The following P4HA2 variants were observed in gnomAD, a reference collection of about 807,000 sequenced individuals.
P4HA2 encodes the protein prolyl 4-hydroxylase subunit alpha-2.
A neutral mutation model predicts 76.9 loss-of-function variants in P4HA2; 46 were observed. The observed-to-expected ratio is 0.60, with a 90% CI of 0.47 to 0.76. P4HA2 has a LOEUF of 0.76. Among genes scored for constraint, P4HA2 ranks in the 30% least tolerant of loss-of-function variants. The pLI is 0.00. For synonymous variants in P4HA2, 243 were observed against 254.0 expected (o/e 0.96, Z 0.41); for missense variants, 583 against 669.4 (o/e 0.87, Z 1.42).
intron 13 of P4HA2, 55 bp downstream of exon 13, chr5:132,195,357 C>G (rs1750479216): frequency 7.6e-7 from 1 of 1,318,174 alleles, no homozygotes; most frequent in East Asian, 2.3e-5. Context: ...GGGACATGGA[C>G]AAAGTAAAGT....
chr5:132,216,450 C>T (rs1753911026), intron 4 of P4HA2, among the ~76,000 whole-genome samples: 1 of 152,002 alleles, frequency 6.6e-6, no homozygotes, highest in Admixed American at 6.6e-5. Flanking sequence ...CAGAAAAAAT[C>T]CCATATCCAA....
intron 14 of P4HA2, among the ~76,000 whole-genome samples, chr5:132,194,592 GAC>G (rs910515858): frequency 1.3e-5 from 2 of 151,374 alleles, no homozygotes; most frequent in African/African-American, 2.4e-5. Context: ...GTTTGCCTGA[GAC>G]ACTCTTTCCC....
intron 13 of P4HA2, 29 bp downstream of exon 13, chr5:132,195,383 A>T: frequency 6.5e-7 from 1 of 1,535,908 alleles, no homozygotes; most frequent in Non-Finnish European, 9.0e-7. Flanking sequence ...CCTTGCTTCA[A>T]CCTCTGACCC....
At chr5:132,220,414 C>G (rs544637216) in intron 1 of P4HA2, among the ~76,000 whole-genome samples, 1 of 152,334 alleles carries the variant, frequency 6.6e-6, no homozygotes, top group East Asian at 1.9e-4. Context: ...CAGAAAGGGA[C>G]CAGCTGACTG....
chr5:132,214,091 T>C (rs761989506), intron 4 of P4HA2, 38 bp from the exon 5 acceptor site: 11 of 1,605,216 alleles, frequency 6.9e-6, no homozygotes, highest in East Asian at 2.2e-5. Context: ...TTACCCTTGA[T>C]CCAGGGGCAG....
At chr5:132,217,165 G>A (rs757802027) in intron 4 of P4HA2, 32 bp downstream of exon 4, 4 of 1,604,488 alleles carry the variant, frequency 2.5e-6, no homozygotes, top group Admixed American at 3.4e-5. Context: ...AAACATATGG[G>A]CTCACTCAAG....
intron 1 of P4HA2, among the ~76,000 whole-genome samples, chr5:132,218,966 C>T (rs1052347335): frequency 7.2e-5 from 11 of 152,176 alleles, no homozygotes; most frequent in Non-Finnish European, 7.3e-5. Flanking sequence ...AATGGTCTGT[C>T]AGTCCAAGAT....
chr5:132,210,154 G>T, intron 6 of P4HA2, 130 bp downstream of exon 6: 1 of 1,003,420 alleles, frequency 1.0e-6, no homozygotes. Flanking sequence ...AGTCAGTAAG[G>T]CATTAGTCAC....
intron 2 of P4HA2, among the ~76,000 whole-genome samples, 161 bp downstream of exon 2, chr5:132,218,384 T>TC (rs1242401832): frequency 6.6e-6 from 1 of 152,136 alleles, no homozygotes; most frequent in East Asian, 1.9e-4. Flanking sequence ...ATTGGGATCT[T>TC]ATAGGGGAAA....
chr5:132,209,370 A>C, intron 6 of P4HA2, 39 bp from the exon 7 acceptor site: 1 of 1,509,118 alleles, frequency 6.6e-7, no homozygotes, highest in African/African-American at 1.4e-5. Flanking sequence ...AGGAAACCAC[A>C]AACATCTGTT....
Position 132,217,828 on chromosome 5 carries a change from A to G in P4HA2, c.103T>C (p.Tyr35His). Residue 35 changes from tyrosine (Y) to histidine (H), a missense_variant, in exon 3 of 15, where the codon TAT (tyrosine) becomes CAT (histidine). Transcript: ENST00000360568. Reference sequence around the variant, plus strand: ...GACTGCACCAGCTCTTTCTCTGCATAAATCAGGTCAGTCATGTGCCCTGCA... The same window carrying G: ...GACTGCACCAGCTCTTTCTCTGCATGAATCAGGTCAGTCATGTGCCCTGCA... The part of the protein sequence containing the change: ...TSIGHMTDLI[Y>H]AEKELVQSLK... 2 of 1,611,504 alleles carry G rather than the reference A, an allele frequency of 1.2e-6. No homozygotes were observed.
At chr5:132,223,506 T>C (rs4705849) in intron 1 of P4HA2, among the ~76,000 whole-genome samples, 1 of 152,040 alleles carries the variant, frequency 6.6e-6, no homozygotes. Flanking sequence ...AGGCAATCCA[T>C]CCATCTCGAC....
chr5:132,209,259 G>T lies in P4HA2; in HGVS notation c.782C>A (p.Thr261Lys), dbSNP rs146303839. Reference protein sequence around the residue: ...EQLLEEEREKTLTNQTEAELA... With the variant: ...EQLLEEEREKKLTNQTEAELA... ...CTCAGCTTCTGTCTGATTTGTTAAC[G>T]TTTTTTCTCTCTCTTCCTCCAATAA... Residue 261 changes from threonine (T) to lysine (K), a missense_variant, in exon 7 of 15, where the codon ACG (threonine) becomes AAG (lysine). Coordinates refer to ENST00000360568, the MANE Select transcript of P4HA2 (RefSeq NM_001017974.2). The T allele has an allele frequency of 4.3e-5, 70 of 1,613,872 alleles. No homozygotes were observed. The highest frequency in any genetic ancestry group is 5.8e-5 in the Non-Finnish European group (68 of 1,179,922).
chr5:132,213,893 C>G (rs1753470383), intron 5 of P4HA2, 23 bp downstream of exon 5: 1 of 1,612,170 alleles, frequency 6.2e-7, no homozygotes, highest in Non-Finnish European at 8.5e-7. Context: ...GCGGGACAGG[C>G]AACGCCTGGA....
intron 8 of P4HA2, among the ~76,000 whole-genome samples, chr5:132,205,158 C>T (rs1403103295): frequency 6.6e-6 from 1 of 152,246 alleles, no homozygotes; most frequent in African/African-American, 2.4e-5. Flanking sequence ...AACTGCAGCA[C>T]AGCATGGGTG....
At position 132,215,986 on chromosome 5, in the gene P4HA2, C is replaced by G. The variant is rs374690671; in HGVS notation, c.331+1211G>C. Reference sequence around the variant, plus strand: ...AACATCCTAGCCAACATGGTGAAACCCTGTCTCTACTAAAAATACCAAAAA... The same window carrying G: ...AACATCCTAGCCAACATGGTGAAACGCTGTCTCTACTAAAAATACCAAAAA... On this transcript the variant is annotated intron_variant, in intron 4 of 14. Coordinates refer to ENST00000360568, the MANE Select transcript of P4HA2 (RefSeq NM_001017974.2). Among the ~76,000 whole-genome samples the G allele has an allele frequency of 1.3e-4, 20 of 150,144 alleles. No individual in the cohort carries two copies. In the East Asian group the frequency reaches 1.6e-3, roughly 12 times the overall value.
chr5:132,210,472 C>T lies in P4HA2; in HGVS notation c.521G>A (p.Arg174His), dbSNP rs761219895. Residue 174 changes from arginine (R) to histidine (H), a missense_variant, in exon 6 of 15, where the codon CGC becomes CAC. Transcript: ENST00000360568. ...LSVDDCFGMG[R>H]SAYNEGDYYH... Reference sequence around the variant, plus strand: ...ATAGTCCCCTTCATTGTAGGCCGAGCGGCCCATCCCAAAGCAGTCATCCAC... The same window carrying T: ...ATAGTCCCCTTCATTGTAGGCCGAGTGGCCCATCCCAAAGCAGTCATCCAC... The T allele has an allele frequency of 8.7e-6, 14 of 1,613,692 alleles. No individual in the cohort carries two copies. Among genetic ancestry groups the T allele is most frequent in the East Asian group, 6.7e-5 (3 of 44,888 alleles).
chr5:132,201,594 T>C (rs1336095448), intron 10 of P4HA2: 1 of 152,196 alleles, frequency 6.6e-6, no homozygotes, highest in Admixed American at 6.5e-5. Context: ...AGACAGTTCC[T>C]AGGAGAAGAA....
intron 10 of P4HA2, among the ~76,000 whole-genome samples, chr5:132,203,033 T>C (rs773027329): frequency 6.6e-6 from 1 of 152,188 alleles, no homozygotes; most frequent in Non-Finnish European, 1.5e-5. Flanking sequence ...GGTGTTTAGG[T>C]TGTTGCCCAT....
Sources: allele counts gnomAD v4.1 joint callset (sites outside exome capture counted in the v4.1 genomes callset), GRCh38; gene constraint gnomAD v4.1.1; transcripts MANE v1.5; gene names NCBI Gene and HGNC (gene_info 2026-07-23, HGNC 2026-07-21).